Variants in ST18 observed in about 807,000 individuals in gnomAD.
ST18 encodes the protein suppression of tumorigenicity 18 protein.
In ST18, 50 loss-of-function variants were observed where a neutral mutation model predicts 110.0. The ratio of observed to expected loss-of-function variants is 0.45; its 90% CI spans 0.36 to 0.58. The LOEUF is 0.58. Among genes scored for constraint, ST18 ranks in the 20% least tolerant of loss-of-function variants. ST18 has a pLI of 0.00. For synonymous variants in ST18, 461 were observed against 452.4 expected, an observed-to-expected ratio of 1.02 and a Z score of -0.24; for missense variants, 1,306 against 1,280.1, an observed-to-expected ratio of 1.02 and a Z score of -0.31.
At chr8:52,270,303 T>C (rs1034201411) in intron 2 of ST18, among the ~76,000 whole-genome samples, 3 of 152,198 alleles carry the variant, frequency 2.0e-5, no homozygotes, top group African/African-American at 7.2e-5. Flanking sequence ...TTTCATCAAA[T>C]GTTTGCTCTG....
intron 24 of ST18, among the ~76,000 whole-genome samples, chr8:52,116,669 A>T (rs976742071): frequency 1.3e-5 from 2 of 152,184 alleles, no homozygotes; most frequent in Non-Finnish European, 2.9e-5. Flanking sequence ...TGTATGATGG[A>T]TATCTCAAAC....
intron 2 of ST18, among the ~76,000 whole-genome samples, chr8:52,276,017 T>C (rs928559166): frequency 1.2e-3 from 23 of 19,102 alleles, no homozygotes; most frequent in African/African-American, 4.0e-3. Flanking sequence ...ACGTACCACA[T>C]ACCCCCCACA....
chr8:52,398,761 GTTAAACCAAACA>G (rs1182792415), intron 2 of ST18, among the ~76,000 whole-genome samples: 1 of 152,080 alleles, frequency 6.6e-6, no homozygotes, highest in Non-Finnish European at 1.5e-5. Context: ...ATTTGTGTAT[GTTAAACCAAACA>G]TGCACGCCAG....
intron 2 of ST18, among the ~76,000 whole-genome samples, chr8:52,300,077 C>A (rs1439071848): frequency 1.3e-5 from 2 of 152,206 alleles, no homozygotes; most frequent in Non-Finnish European, 2.9e-5. Context: ...GGTTTTCAGC[C>A]TTCCGTTGAT....
intron 2 of ST18, chr8:52,246,482 T>A (rs1046259639): frequency 2.0e-5 from 3 of 152,188 alleles, no homozygotes; most frequent in African/African-American, 7.2e-5. Context: ...TGAAGTGTAA[T>A]AAAATTTTTA....
chr8:52,195,270 A>G (rs1355144396), intron 8 of ST18, among the ~76,000 whole-genome samples: 2 of 152,226 alleles, frequency 1.3e-5, no homozygotes, highest in Non-Finnish European at 2.9e-5. Flanking sequence ...CAAGATACTG[A>G]AAGAATTCAG....
intron 2 of ST18, among the ~76,000 whole-genome samples, chr8:52,307,809 G>T (rs541689553): frequency 6.6e-6 from 1 of 152,216 alleles, no homozygotes; most frequent in East Asian, 1.9e-4. Flanking sequence ...CTCTTTTCAT[G>T]ACTCACTTAA....
chr8:52,178,453 C>T (rs1311798060), intron 9 of ST18, among the ~76,000 whole-genome samples: 2 of 150,852 alleles, frequency 1.3e-5, no homozygotes, highest in African/African-American at 4.9e-5. Flanking sequence ...ATAGTGAAAC[C>T]CTGTCTCTAC....
chr8:52,118,234 T>TCTAAG (rs1329306757), intron 24 of ST18, 104 bp downstream of exon 24: 6 of 714,754 alleles, frequency 8.4e-6, no homozygotes, highest in Non-Finnish European at 1.1e-5. Flanking sequence ...GCATATTGAC[T>TCTAAG]CTAAGTTACC....
At chr8:52,353,329 A>C (rs1409629164) in intron 2 of ST18, among the ~76,000 whole-genome samples, 4 of 152,242 alleles carry the variant, frequency 2.6e-5, no homozygotes, top group African/African-American at 9.6e-5. Flanking sequence ...TAAATAAATT[A>C]TTTTAAAGCC....
At chr8:52,389,127 C>T (rs1246357799) in intron 2 of ST18, among the ~76,000 whole-genome samples, 1 of 152,152 alleles carries the variant, frequency 6.6e-6, no homozygotes, top group Non-Finnish European at 1.5e-5. Context: ...GCGCTTCAGG[C>T]GCTGCCCGGG....
chr8:52,246,868 ACT>A (rs1169686623), intron 2 of ST18, among the ~76,000 whole-genome samples: 1 of 152,018 alleles, frequency 6.6e-6, no homozygotes, highest in African/African-American at 2.4e-5. Context: ...ATCTCCCATC[ACT>A]CTTGCCCCCA....
At chr8:52,316,367 C>T (rs900329475) in intron 2 of ST18, among the ~76,000 whole-genome samples, 4 of 152,128 alleles carry the variant, frequency 2.6e-5, no homozygotes, top group Non-Finnish European at 4.4e-5. Flanking sequence ...GTAGGGGCTC[C>T]CCCAGCAGCA....
At position 52,198,944 on chromosome 8, in the gene ST18, C is replaced by T. The variant is rs559542164; in HGVS notation, c.86+13135G>A. On this transcript the variant is annotated intron_variant, in intron 8 of 25. Transcript: ENST00000689386. ...CAGGCCCACCTCCTTCCAGCCCCAC[C>T]ACGGAGCTGTGGGCACCTGGAAGTC... Among the ~76,000 whole-genome samples the T allele has an allele frequency of 1.6e-4, 25 of 152,180 alleles. No homozygotes were observed. In the South Asian group the frequency reaches 4.6e-3, roughly 28 times the overall value.
At chr8:52,157,829 C>T (rs1277180076) in intron 15 of ST18, among the ~76,000 whole-genome samples, 1 of 152,258 alleles carries the variant, frequency 6.6e-6, no homozygotes, top group African/African-American at 2.4e-5. Context: ...TGGCACAGCA[C>T]AGGCAGCAGC....
chr8:52,200,469 G>A (rs2077583741), intron 8 of ST18, among the ~76,000 whole-genome samples: 2 of 152,150 alleles, frequency 1.3e-5, no homozygotes, highest in Non-Finnish European at 1.5e-5. Context: ...AGGTCTGGGG[G>A]ACCCAGCGCG....
chr8:52,123,962 T>A (rs1000941474), intron 23 of ST18, among the ~76,000 whole-genome samples: 4 of 152,214 alleles, frequency 2.6e-5, no homozygotes, highest in Non-Finnish European at 4.4e-5. Flanking sequence ...CTTCATGCAC[T>A]GGGTTCCAGA....
chr8:52,250,234 G>T (rs752663565), intron 2 of ST18, among the ~76,000 whole-genome samples: 1 of 151,620 alleles, frequency 6.6e-6, no homozygotes, highest in South Asian at 2.1e-4. Flanking sequence ...TGGAGATTTC[G>T]CACACTAATT....
At position 52,172,322 on chromosome 8, in the gene ST18, T is replaced by A. The variant is rs773207185; in HGVS notation, c.539A>T (p.Asp180Val). ...IHSDDGRDKI[D>V]DSQPPFCSSD... ...GGAGCAGAAGGGTGGCTGAGAATCA[T>A]CAATCTTGTCTCTTCCATCATCAGA... Residue 180 changes from aspartate (D) to valine (V), a missense_variant, in exon 10 of 26, where the codon GAT (aspartate) becomes GTT (valine). By Grantham distance (152) the Asp-to-Val change is radical (BLOSUM62 -3). Coordinates refer to ENST00000689386, the MANE Select transcript of ST18 (RefSeq NM_001352837.2). 6.2e-7 allele frequency: 1 copy of A among 1,614,084 alleles called. No individual in the cohort carries two copies. The highest frequency in any genetic ancestry group is 8.5e-7 in the Non-Finnish European group (1 of 1,180,048).
Sources: allele counts gnomAD v4.1 joint callset (sites outside exome capture counted in the v4.1 genomes callset), GRCh38; gene constraint gnomAD v4.1.1; transcripts MANE v1.5; gene names NCBI Gene and HGNC (gene_info 2026-07-23, HGNC 2026-07-21).